The following ERMP1 variants were observed in gnomAD, a reference collection of about 807,000 sequenced individuals.
ERMP1 encodes endoplasmic reticulum metallopeptidase 1.
Under a neutral mutation model 92.0 loss-of-function variants are expected in ERMP1, and 86 were observed. That is an observed-to-expected ratio of 0.93 (90% CI 0.79 to 1.12). ERMP1 has a LOEUF of 1.12. ERMP1 is among the 50% of genes most tolerant of loss of function. The pLI, the probability that ERMP1 is intolerant of heterozygous loss-of-function variation, is 0.00. For synonymous variants in ERMP1, 530 were observed against 412.8 expected (o/e 1.28, Z -3.44); for missense variants, 1,342 against 1,116.3 (o/e 1.20, Z -2.88).
chr9:5,848,088 G>A (rs1419538156), intron 6 of ERMP1, among the ~76,000 whole-genome samples: 3 of 152,136 alleles, frequency 2.0e-5, no homozygotes, highest in Non-Finnish European at 4.4e-5. Flanking sequence ...AGTCTGTGTG[G>A]TAGGCAGAAA....
upstream of ERMP1, among the ~76,000 whole-genome samples, chr9:5,835,278 G>A (rs1056169243): frequency 6.6e-6 from 1 of 151,938 alleles, no homozygotes; most frequent in Non-Finnish European, 1.5e-5. Flanking sequence ...ACTGATTAAG[G>A]TGGAGAAACA....
chr9:5,795,593 C>T (rs1455699093), intron 13 of ERMP1, among the ~76,000 whole-genome samples: 3 of 152,118 alleles, frequency 2.0e-5, no homozygotes, highest in South Asian at 2.1e-4. Context: ...GCCTGGCCAA[C>T]GTGGTGAAAC....
intron 8 of ERMP1, among the ~76,000 whole-genome samples, chr9:5,809,242 G>A (rs536870854): frequency 2.6e-5 from 4 of 151,990 alleles, no homozygotes; most frequent in East Asian, 3.9e-4. Flanking sequence ...GGATGGTCTC[G>A]ATCTCCTGAC....
chr9:5,810,756 T>A (rs1265789976), intron 7 of ERMP1, among the ~76,000 whole-genome samples: 2 of 152,136 alleles, frequency 1.3e-5, no homozygotes, highest in Non-Finnish European at 2.9e-5. Context: ...AAGAAACAGT[T>A]TAACCACAAG....
At chr9:5,792,061 C>G (rs1419938978) in intron 13 of ERMP1, among the ~76,000 whole-genome samples, 1 of 151,984 alleles carries the variant, frequency 6.6e-6, no homozygotes, top group Non-Finnish European at 1.5e-5. Flanking sequence ...GGAGGTAGTA[C>G]CAAGAAGAGT....
intron 12 of ERMP1, 79 bp from the exon 13 acceptor site, chr9:5,798,011 A>C: frequency 1.2e-6 from 1 of 850,604 alleles, no homozygotes; most frequent in Non-Finnish European, 2.0e-6. Context: ...TGTTCAGCAT[A>C]TATGAACACA....
chr9:5,819,119 A>G (rs1200513386), intron 4 of ERMP1, among the ~76,000 whole-genome samples: 2 of 152,260 alleles, frequency 1.3e-5, no homozygotes, highest in African/African-American at 2.4e-5. Context: ...TTACACATGA[A>G]TGTTTACTCC....
intron 4 of ERMP1, among the ~76,000 whole-genome samples, chr9:5,814,713 G>T (rs7858092): frequency 6.6e-6 from 1 of 152,044 alleles, no homozygotes; most frequent in Admixed American, 6.5e-5. Flanking sequence ...CTGGGTGACA[G>T]AGTGAGACTC....
chr9:5,839,822 G>C (rs137861965), intron 6 of ERMP1, among the ~76,000 whole-genome samples: 133 of 152,280 alleles, frequency 8.7e-4, no homozygotes, highest in African/African-American at 3.2e-3. Flanking sequence ...GATCTTGTAG[G>C]AAAATGGCAA....
intron 6 of ERMP1, among the ~76,000 whole-genome samples, chr9:5,840,044 C>A (rs959710817): frequency 1.6e-4 from 25 of 152,156 alleles, no homozygotes; most frequent in Non-Finnish European, 3.7e-4. Context: ...GAGTTTGTGA[C>A]CAACCTGGCC....
intron 13 of ERMP1, among the ~76,000 whole-genome samples, chr9:5,789,457 C>T (rs1586761315): frequency 6.6e-6 from 1 of 152,354 alleles, no homozygotes; most frequent in African/African-American, 2.4e-5. Flanking sequence ...CAATTTTAAC[C>T]ATACAGAAAC....
intron 13 of ERMP1, among the ~76,000 whole-genome samples, chr9:5,788,844 G>A (rs951870231): frequency 6.6e-6 from 1 of 152,038 alleles, no homozygotes; most frequent in Admixed American, 6.6e-5. Context: ...TAAAAGGACC[G>A]ACTAGACTCA....
chr9:5,863,779 T>C (rs1306194392), intron 5 of ERMP1, among the ~76,000 whole-genome samples: 1 of 152,232 alleles, frequency 6.6e-6, no homozygotes, highest in East Asian at 1.9e-4. Context: ...CATATGTGTA[T>C]CTTTTATTAT....
At chr9:5,806,504 T>G (rs761648017) in intron 8 of ERMP1, among the ~76,000 whole-genome samples, 16 of 151,658 alleles carry the variant, frequency 1.1e-4, no homozygotes, top group Non-Finnish European at 2.4e-4. Flanking sequence ...CTCGGCCCAC[T>G]GCAGTCTCAG....
chr9:5,811,040 AACTG>A (rs1441875178), intron 7 of ERMP1, 67 bp downstream of exon 7: 9 of 1,063,418 alleles, frequency 8.5e-6, no homozygotes, highest in Non-Finnish European at 1.3e-5. Context: ...GATATAAACA[AACTG>A]ACTGAAAAAC....
At chr9:5,804,331 T>A (rs1183048134) in intron 10 of ERMP1, among the ~76,000 whole-genome samples, 1 of 152,098 alleles carries the variant, frequency 6.6e-6, no homozygotes, top group Non-Finnish European at 1.5e-5. Flanking sequence ...CTTACTCTGC[T>A]CAAGGGGGGT....
chr9:5,801,306 T>C lies in ERMP1; in HGVS notation c.1937A>G (p.Lys646Arg). The C allele has an allele frequency of 6.2e-7, 1 of 1,612,526 alleles. No individual in the cohort carries two copies. The highest frequency in any genetic ancestry group is 8.5e-7 in the Non-Finnish European group (1 of 1,179,398). Reference protein sequence around the residue: ...SYFINFIYLAKSTKKTMLTLT... With the variant: ...SYFINFIYLARSTKKTMLTLT... ...AGTTAGCATGGTTTTTTTTGTGCTCTTGGCAAGGTAGATGAAGTTAATCTG... is the reference window on the plus strand; with the variant it reads ...AGTTAGCATGGTTTTTTTTGTGCTCCTGGCAAGGTAGATGAAGTTAATCTG... The change falls in exon 11 of 15, where the codon AAG (lysine) becomes AGG (arginine). Residue 646 changes from lysine to arginine, a missense_variant. By Grantham distance (26) the Lys-to-Arg change is conservative. Transcript: ENST00000339450.
upstream of ERMP1, among the ~76,000 whole-genome samples, chr9:5,836,389 G>T (rs995276154): frequency 6.6e-6 from 1 of 152,172 alleles, no homozygotes; most frequent in Admixed American, 6.5e-5. Flanking sequence ...AATCAGGTGA[G>T]GTACCAAGCC....
rs551621486 is a variant in ERMP1, at chr9:5,853,419, G to A, written n.3199+6049C>T. ...TTAAATTCTCTCTTGTCCTGTTGCT[G>A]TGCTCAGAGATGCCCTGGGGTTTCA... On this transcript the variant is annotated intron_variant and non_coding_transcript_variant, in intron 6 of 6. Transcript: ENST00000690753. Among the ~76,000 whole-genome samples the A allele has an allele frequency of 3.3e-5, 5 of 152,248 alleles. No homozygotes were observed. In the South Asian group the frequency reaches 6.2e-4, roughly 19 times the overall value.
Sources: allele counts gnomAD v4.1 joint callset (sites outside exome capture counted in the v4.1 genomes callset), GRCh38; gene constraint gnomAD v4.1.1; transcripts MANE v1.5; gene names NCBI Gene and HGNC (gene_info 2026-07-23, HGNC 2026-07-21).